Variants in SLC35F1 observed in about 807,000 individuals in gnomAD.
The protein encoded by SLC35F1 is chromosome 6 open reading frame 169.
A neutral mutation model predicts 48.7 loss-of-function variants in SLC35F1; 14 were observed. That is an observed-to-expected ratio of 0.29 (90% CI 0.19 to 0.45). The LOEUF is 0.45. SLC35F1 is among the 20% of genes least tolerant of loss of function. The pLI is 1.00. For missense variants in SLC35F1, 404 were observed against 500.0 expected (o/e 0.81, Z 1.83); for synonymous variants, 190 against 202.2 (o/e 0.94, Z 0.51).
intron 2 of SLC35F1, among the ~76,000 whole-genome samples, chr6:118,230,414 G>GGT (rs1775277698): frequency 2.0e-5 from 3 of 151,682 alleles, no homozygotes; most frequent in African/African-American, 7.3e-5. Context: ...CCAATTAGAA[G>GGT]TCTATCAGTG....
chr6:118,170,246 A>T (rs1340447727), intron 2 of SLC35F1, among the ~76,000 whole-genome samples: 3 of 152,214 alleles, frequency 2.0e-5, no homozygotes, highest in African/African-American at 4.8e-5. Context: ...AAATGGAAAG[A>T]TCTCCTTAAT....
chr6:118,280,189 A>G (rs1240332601), intron 6 of SLC35F1, among the ~76,000 whole-genome samples: 3 of 152,208 alleles, frequency 2.0e-5, no homozygotes, highest in South Asian at 2.1e-4. Flanking sequence ...AGTAAACTCA[A>G]GTAAAATGTA....
At chr6:117,944,917 C>T (rs920236105) in intron 1 of SLC35F1, among the ~76,000 whole-genome samples, 8 of 152,118 alleles carry the variant, frequency 5.3e-5, no homozygotes, top group Admixed American at 3.3e-4. Flanking sequence ...TGACAAGGTA[C>T]AGCAGGCTTA....
At chr6:118,207,797 G>A (rs1465098224) in intron 2 of SLC35F1, among the ~76,000 whole-genome samples, 1 of 152,108 alleles carries the variant, frequency 6.6e-6, no homozygotes, top group African/African-American at 2.4e-5. Context: ...CTATCACCTA[G>A]AATTCCCTTA....
chr6:118,272,767 A>ATATATATG (rs1554243256), intron 4 of SLC35F1, among the ~76,000 whole-genome samples: 88 of 136,046 alleles, frequency 6.5e-4, no homozygotes, highest in African/African-American at 2.4e-3. Flanking sequence ...ATATATATGT[A>ATATATATG]TATATATATA....
At chr6:118,185,198 G>T (rs191362997) in intron 2 of SLC35F1, among the ~76,000 whole-genome samples, 2 of 152,290 alleles carry the variant, frequency 1.3e-5, no homozygotes, top group East Asian at 3.9e-4. Flanking sequence ...AGTCCAGGAG[G>T]AATATCTTTC....
At chr6:118,051,381 G>A (rs1386746550) in intron 1 of SLC35F1, among the ~76,000 whole-genome samples, 2 of 152,126 alleles carry the variant, frequency 1.3e-5, no homozygotes, top group Non-Finnish European at 2.9e-5. Flanking sequence ...CTATTGCTCA[G>A]TACCTCACTG....
In SLC35F1 at chr6:118,298,987, C is replaced by A. The variant is rs1156736384; in HGVS notation, c.1002+13649C>A. ...CCTAGGAGTTTGAGAACAGCCTGGG[C>A]AACATAGGGACACCTCATCTCTACA... is the stretch of plus-strand genomic sequence containing the variant. On this transcript the variant is annotated intron_variant, in intron 7 of 7. Coordinates refer to ENST00000360388, the MANE Select transcript of SLC35F1 (RefSeq NM_001029858.4). Among the ~76,000 whole-genome samples, 3 of 152,176 alleles carry A rather than the reference C, an allele frequency of 2.0e-5. No individual in the cohort carries two copies. In the East Asian group the frequency reaches 5.8e-4, roughly 29 times the overall value.
At chr6:118,074,610 T>C (rs1772791337) in intron 1 of SLC35F1, among the ~76,000 whole-genome samples, 1 of 152,232 alleles carries the variant, frequency 6.6e-6, no homozygotes, top group Non-Finnish European at 1.5e-5. Flanking sequence ...CAGTACAAAG[T>C]AAAGTGATGT....
chr6:118,230,254 C>T (rs997850156), intron 2 of SLC35F1, among the ~76,000 whole-genome samples: 2 of 151,844 alleles, frequency 1.3e-5, no homozygotes, highest in Non-Finnish European at 2.9e-5. Context: ...GCAGGAGCAT[C>T]GCTTGAACCC....
At chr6:118,073,839 TTTTA>T (rs1772778903) in intron 1 of SLC35F1, among the ~76,000 whole-genome samples, 1 of 152,242 alleles carries the variant, frequency 6.6e-6, no homozygotes, top group Non-Finnish European at 1.5e-5. Context: ...CAAATTAGTC[TTTTA>T]TTTGTTAAAT....
At chr6:118,208,285 A>G (rs1179639030) in intron 2 of SLC35F1, among the ~76,000 whole-genome samples, 1 of 152,146 alleles carries the variant, frequency 6.6e-6, no homozygotes, top group Non-Finnish European at 1.5e-5. Flanking sequence ...TTGTGATGAG[A>G]TCTCCAGTTC....
At chr6:117,910,583 A>C (rs1775749232) in intron 1 of SLC35F1, among the ~76,000 whole-genome samples, 1 of 152,204 alleles carries the variant, frequency 6.6e-6, no homozygotes, top group African/African-American at 2.4e-5. Flanking sequence ...CAATATAAAA[A>C]ATATCCCTCC....
At chr6:118,087,549 C>G (rs558527931) in intron 1 of SLC35F1, among the ~76,000 whole-genome samples, 6 of 152,174 alleles carry the variant, frequency 3.9e-5, no homozygotes, top group Admixed American at 2.0e-4. Context: ...GAATTATCAG[C>G]AAGTCATTAT....
intron 1 of SLC35F1, among the ~76,000 whole-genome samples, chr6:117,992,381 C>T (rs1442692210): frequency 1.3e-5 from 2 of 152,298 alleles, no homozygotes; most frequent in East Asian, 3.9e-4. Context: ...ATATCCTATA[C>T]ATTGGAGCAG....
chr6:118,153,614 TG>T (rs2114467093), intron 1 of SLC35F1, among the ~76,000 whole-genome samples: 1 of 152,284 alleles, frequency 6.6e-6, no homozygotes, highest in East Asian at 1.9e-4. Context: ...CCATAAAGCT[TG>T]CGAGGGCATT....
At position 118,075,227 on chromosome 6, in the gene SLC35F1, A is replaced by G. The variant is rs960890550; in HGVS notation, c.174-79218A>G. Among the ~76,000 whole-genome samples the G allele has an allele frequency of 5.9e-5, 9 of 152,278 alleles. No individual in the cohort carries two copies. The East Asian group carries it at 1.7e-3, about 29-fold the overall frequency. On this transcript the variant is annotated intron_variant, in intron 1 of 7. Transcript: ENST00000360388. ...TCAGAATATAAATGGGGCTCAGAACATTTCTCACTTTTAATTATACTTTGG... is the reference window on the plus strand; with the variant it reads ...TCAGAATATAAATGGGGCTCAGAACGTTTCTCACTTTTAATTATACTTTGG...
chr6:118,077,978 C>T lies in SLC35F1; in HGVS notation c.174-76467C>T, dbSNP rs576206276. Among the ~76,000 whole-genome samples, 433 of 152,202 alleles carry T rather than the reference C, an allele frequency of 2.8e-3. 1 individual carries two copies. The highest frequency in any genetic ancestry group is 4.6e-3 in the Non-Finnish European group (313 of 68,014). ...CTATAGGTTGTCAATTTAAGTTCTA[C>T]CTTTTGGGATTAAAAGACTATGTCA... On this transcript the variant is annotated intron_variant, in intron 1 of 7. Coordinates refer to ENST00000360388, the MANE Select transcript of SLC35F1 (RefSeq NM_001029858.4).
intron 1 of SLC35F1, among the ~76,000 whole-genome samples, chr6:117,954,373 A>C (rs1776400674): frequency 6.6e-6 from 1 of 152,040 alleles, no homozygotes; most frequent in East Asian, 1.9e-4. Context: ...CTCCTGCCTC[A>C]GCCTCCCGAG....
Sources: allele counts gnomAD v4.1 joint callset (sites outside exome capture counted in the v4.1 genomes callset), GRCh38; gene constraint gnomAD v4.1.1; transcripts MANE v1.5; gene names NCBI Gene and HGNC (gene_info 2026-07-23, HGNC 2026-07-21).